PRKCE: variants seen among roughly 807,000 people sequenced by gnomAD.
The protein encoded by PRKCE is protein kinase C epsilon type.
PRKCE carries 16 observed loss-of-function variants against 85.4 expected under a neutral mutation model. The ratio of observed to expected loss-of-function variants is 0.19; its 90% confidence interval spans 0.13 to 0.28. PRKCE has a LOEUF of 0.28. PRKCE is among the 10% of genes least tolerant of loss of function. PRKCE has a pLI of 1.00. For synonymous variants in PRKCE, 388 were observed against 371.5 expected, an observed-to-expected ratio of 1.04 and a Z score of -0.51; for missense variants, 573 against 975.2, an observed-to-expected ratio of 0.59 and a Z score of 5.49.
intron 1 of PRKCE, among the ~76,000 whole-genome samples, chr2:45,811,970 T>C (rs1485367303): frequency 6.6e-6 from 1 of 152,224 alleles, no homozygotes; most frequent in Non-Finnish European, 1.5e-5. Context: ...TCATTCATTC[T>C]TGCTAGGGGA....
intron 2 of PRKCE, among the ~76,000 whole-genome samples, chr2:45,930,452 A>G (rs985518402): frequency 4.6e-5 from 7 of 152,200 alleles, no homozygotes; most frequent in Admixed American, 1.3e-4. Flanking sequence ...AACATAAGGC[A>G]TGTCTCCAGA....
intron 1 of PRKCE, among the ~76,000 whole-genome samples, chr2:45,727,371 C>T (rs1681164839): frequency 1.3e-5 from 2 of 152,140 alleles, no homozygotes. Flanking sequence ...TATGTCCAAC[C>T]AGTGCACAAA....
chr2:45,893,561 T>A (rs1343741484), intron 2 of PRKCE, among the ~76,000 whole-genome samples: 1 of 151,820 alleles, frequency 6.6e-6, no homozygotes, highest in East Asian at 1.9e-4. Flanking sequence ...AGAGACAGAG[T>A]TTCACCATGT....
intron 1 of PRKCE, among the ~76,000 whole-genome samples, chr2:45,691,612 T>C (rs1179981602): frequency 2.0e-5 from 3 of 152,228 alleles, no homozygotes; most frequent in Non-Finnish European, 4.4e-5. Context: ...AGTATCAATA[T>C]TGGCATCTTA....
chr2:45,782,171 A>T (rs1164702562), intron 1 of PRKCE, among the ~76,000 whole-genome samples: 1 of 152,178 alleles, frequency 6.6e-6, no homozygotes, highest in East Asian at 1.9e-4. Context: ...TAAGAAAGGG[A>T]TACTTTCTCA....
intron 11 of PRKCE, among the ~76,000 whole-genome samples, chr2:46,130,164 G>T (rs1469136261): frequency 6.6e-6 from 1 of 151,666 alleles, no homozygotes; most frequent in Non-Finnish European, 1.5e-5. Flanking sequence ...TAAACCATTG[G>T]GTTGGTAAAA....
chr2:45,845,443 G>C (rs1489534484), intron 2 of PRKCE: 1 of 151,554 alleles, frequency 6.6e-6, no homozygotes, highest in Non-Finnish European at 1.5e-5. Context: ...GTTGAAATGA[G>C]GCACAGCTGA....
chr2:45,757,154 A>C (rs1684070684), intron 1 of PRKCE, among the ~76,000 whole-genome samples: 1 of 151,964 alleles, frequency 6.6e-6, no homozygotes, highest in Non-Finnish European at 1.5e-5. Flanking sequence ...GCTAATTTAG[A>C]GACACCTATA....
rs184306068 is a variant in PRKCE at position 46,124,213 on chromosome 2, T to C, written c.1593-20880T>C. On this transcript the variant is annotated intron_variant, in intron 11 of 14. Coordinates refer to ENST00000306156, the MANE Select transcript of PRKCE (RefSeq NM_005400.3). ...GGTGGTGCATGCCTGTAATCCCAGATACTTGGGAGGCTGCGGCAGGAGAAT... is the reference window on the plus strand; with the variant it reads ...GGTGGTGCATGCCTGTAATCCCAGACACTTGGGAGGCTGCGGCAGGAGAAT... 5.6e-3 allele frequency among the ~76,000 whole-genome samples: 858 copies of C among 152,172 alleles called. 9 individuals are homozygous for C. Among genetic ancestry groups the C allele is most frequent in the African/African-American group, 0.019 (781 of 41,534 alleles).
chr2:45,829,531 G>C (rs1690226927), intron 1 of PRKCE, among the ~76,000 whole-genome samples: 1 of 152,186 alleles, frequency 6.6e-6, no homozygotes, highest in African/African-American at 2.4e-5. Flanking sequence ...GAGAATTTCT[G>C]GGAGATGAAA....
chr2:45,878,438 G>C (rs540767130), intron 2 of PRKCE, among the ~76,000 whole-genome samples: 166 of 152,258 alleles, frequency 1.1e-3, no homozygotes, highest in African/African-American at 3.9e-3. Flanking sequence ...TACTCAGGGG[G>C]GATGATCTTT....
At chr2:46,071,890 G>A (rs1293349626) in intron 10 of PRKCE, among the ~76,000 whole-genome samples, 1 of 152,150 alleles carries the variant, frequency 6.6e-6, no homozygotes, top group Non-Finnish European at 1.5e-5. Flanking sequence ...GGCTGCTTTT[G>A]TTCCACTCCT....
intron 4 of PRKCE, 98 bp downstream of exon 4, chr2:45,979,108 AG>A: frequency 8.7e-7 from 1 of 1,147,106 alleles, no homozygotes; most frequent in Non-Finnish European, 1.3e-6. Flanking sequence ...TGACATTTGG[AG>A]GCTCTCCACA....
chr2:46,148,185 T>C (rs1354221878), intron 12 of PRKCE, among the ~76,000 whole-genome samples: 1 of 152,180 alleles, frequency 6.6e-6, no homozygotes, highest in Non-Finnish European at 1.5e-5. Context: ...CCACCAGCCT[T>C]TGGTAATAGC....
intron 11 of PRKCE, among the ~76,000 whole-genome samples, chr2:46,131,173 C>T (rs1166848925): frequency 1.3e-5 from 2 of 152,144 alleles, no homozygotes; most frequent in African/African-American, 4.8e-5. Flanking sequence ...CAAGTAGAGT[C>T]TTTGGGTTAA....
Position 46,184,796 on chromosome 2 carries a change from C to G in PRKCE, c.2129C>G (p.Thr710Ser), listed in dbSNP as rs767867302. ...TTTACCCGGGAAGAGCCGGTACTCA[C>G]CCTTGTGGACGAAGCAATTGTAAAG... ...QDFTREEPVL[T>S]LVDEAIVKQI... The change falls in exon 15 of 15, where the codon ACC (threonine) becomes AGC (serine). Residue 710 changes from threonine (T) to serine (S), a missense_variant. Transcript: ENST00000306156. This position sits in a 1 kb window ranked among gnomAD's most constrained non-coding sequence, Gnocchi z 5.0. The G allele has an allele frequency of 1.9e-5, 31 of 1,599,636 alleles. No homozygotes were observed. In the East Asian group the frequency reaches 6.5e-4, roughly 33 times the overall value.
intron 10 of PRKCE, chr2:46,073,920 C>T (rs1668294422): frequency 6.6e-6 from 1 of 152,148 alleles, no homozygotes; most frequent in Non-Finnish European, 1.5e-5. Flanking sequence ...ATCATCAGGT[C>T]TGCAAGCTGA....
rs1260976996 is a variant in PRKCE at position 46,089,635 on chromosome 2, C to G, written c.1592+3273C>G. 2.0e-5 allele frequency among the ~76,000 whole-genome samples: 3 copies of G among 152,322 alleles called. No homozygotes were observed. In the East Asian group the frequency reaches 5.8e-4, roughly 29 times the overall value. ...GCTGTGCATAGCTTTGTAGTTTGGGCCCAGCAGAAGTGAGGGGCACAGGCC... is the reference window on the plus strand; with the variant it reads ...GCTGTGCATAGCTTTGTAGTTTGGGGCCAGCAGAAGTGAGGGGCACAGGCC... On this transcript the variant is annotated intron_variant, in intron 11 of 14. Coordinates refer to ENST00000306156, the MANE Select transcript of PRKCE (RefSeq NM_005400.3).
chr2:46,053,247 A>T (rs2105074123), intron 10 of PRKCE, among the ~76,000 whole-genome samples: 1 of 152,340 alleles, frequency 6.6e-6, no homozygotes, highest in South Asian at 2.1e-4. Context: ...GGAAATTTAA[A>T]CCTAGAAAAA....
Sources: gnomAD v4.1 joint callset for allele counts (sites outside exome capture counted in the v4.1 genomes callset) on GRCh38, gnomAD v4.1.1 for gene constraint, Gnocchi (gnomAD v3.1) non-coding constraint, MANE v1.5 for transcripts, NCBI Gene and HGNC (gene_info 2026-07-23, HGNC 2026-07-21) for gene names.